The following FNTB variants were observed in gnomAD, a reference collection of about 807,000 sequenced individuals.
FNTB encodes farnesyltransferase, CAAX box, subunit beta.
A neutral mutation model predicts 59.4 loss-of-function variants in FNTB; 27 were observed. The ratio of observed to expected loss-of-function variants is 0.45; its 90% CI spans 0.34 to 0.63. The LOEUF (loss-of-function observed/expected upper bound fraction) is 0.63. FNTB is among the 20% of genes least tolerant of loss of function. The pLI is 0.02. For synonymous variants in FNTB, 230 were observed against 220.7 expected (o/e 1.04, Z -0.37); for missense variants, 449 against 559.6 (o/e 0.80, Z 1.99).
chr14:65,045,136 A>C (rs902925916), intron 9 of FNTB, among the ~76,000 whole-genome samples: 2 of 151,978 alleles, frequency 1.3e-5, no homozygotes, highest in African/African-American at 2.4e-5. Context: ...TTCTCTCTCT[A>C]TCTCTTGAAA....
At position 65,061,524 on chromosome 14, in the gene FNTB, C is replaced by A; in HGVS notation, c.*212C>A. The A allele has an allele frequency of 1.3e-6, 1 of 777,354 alleles. No individual in the cohort carries two copies. Among genetic ancestry groups the A allele is most frequent in the Non-Finnish European group, 1.9e-6 (1 of 521,458 alleles). The allele number at this position is 777,354 out of a possible 1,614,324, so 48.2% of individuals were successfully genotyped here. Reference sequence around the variant, plus strand: ...AAAATTCTTTCCACACCTGTCAAACCAAAAATCTATCAGCCCACGTGGTGT... The same window carrying A: ...AAAATTCTTTCCACACCTGTCAAACAAAAAATCTATCAGCCCACGTGGTGT... On this transcript the variant is annotated 3_prime_UTR_variant, in exon 12 of 12. Coordinates refer to ENST00000246166, the MANE Select transcript of FNTB (RefSeq NM_002028.4).
chr14:65,037,745 TTTATTTA>T lies in FNTB; in HGVS notation c.693-3042_693-3036del, dbSNP rs1566562832. 5.9e-3 allele frequency among the ~76,000 whole-genome samples: 326 copies of T among 55,058 alleles called. 2 individuals are homozygous for T. Among genetic ancestry groups the T allele is most frequent in the African/African-American group, 0.023 (317 of 13,808 alleles). 36.1% of individuals were successfully genotyped at this position (55,058 alleles called of 152,430 possible). A position where few individuals can be genotyped will look rare whatever the true frequency, so the allele number is the denominator to read the frequency against. ...CAGCCTCTTATTTATTTATTTATTA[TTTATTTA>T]TTTATTTATTTATTTATTTATTTAT... On this transcript the variant is annotated intron_variant, in intron 7 of 11. Coordinates refer to ENST00000246166, the MANE Select transcript of FNTB (RefSeq NM_002028.4).
chr14:64,997,232 T>A lies in FNTB; in HGVS notation c.145-7017T>A, dbSNP rs1357777573. ...TTCTCAATTACTCCTGTAGATAACATCCCAATTGCAGAACCTAAGATTGGC... is the reference window on the plus strand; with the variant it reads ...TTCTCAATTACTCCTGTAGATAACAACCCAATTGCAGAACCTAAGATTGGC... On this transcript the variant is annotated intron_variant, in intron 1 of 11. Transcript: ENST00000246166. The surrounding 1 kb of genome is among the most constrained non-coding windows in gnomAD (Gnocchi z 4.5). 1.3e-5 allele frequency among the ~76,000 whole-genome samples: 2 copies of A among 152,164 alleles called. No homozygotes were observed. Among genetic ancestry groups the A allele is most frequent in the African/African-American group, 4.8e-5 (2 of 41,442 alleles).
intron 1 of FNTB, among the ~76,000 whole-genome samples, chr14:64,998,838 C>T (rs1888498156): frequency 6.6e-6 from 1 of 152,108 alleles, no homozygotes; most frequent in Non-Finnish European, 1.5e-5. Flanking sequence ...TCTGGAGAAC[C>T]TGTTTCTTGA....
At chr14:65,034,301 C>T (rs1217777138) in intron 7 of FNTB, among the ~76,000 whole-genome samples, 1 of 152,218 alleles carries the variant, frequency 6.6e-6, no homozygotes, top group Non-Finnish European at 1.5e-5. Context: ...TTCTCTCCTT[C>T]GTTGAAGTCC....
In FNTB at chr14:65,034,370, CA is replaced by C. The variant is rs1206979123; in HGVS notation, c.692+1680del. ...TGAAGTATTGTACTCCAACAGATCC[CA>C]AAAAAGGGTACCTGGGAGATACATT... is the stretch of plus-strand genomic sequence containing the variant. On this transcript the variant is annotated intron_variant, in intron 7 of 11. Coordinates refer to ENST00000246166, the MANE Select transcript of FNTB (RefSeq NM_002028.4). 2.0e-5 allele frequency among the ~76,000 whole-genome samples: 3 copies of C among 152,018 alleles called. No individual in the cohort carries two copies. In the East Asian group the frequency reaches 5.8e-4, roughly 29 times the overall value.
At chr14:65,057,178 T>C (rs932719640) in intron 11 of FNTB, among the ~76,000 whole-genome samples, 4 of 152,196 alleles carry the variant, frequency 2.6e-5, no homozygotes, top group Non-Finnish European at 5.9e-5. Context: ...AACATAGCCA[T>C]CTTGGGGATC....
chr14:65,044,327 G>A lies in FNTB; in HGVS notation c.839G>A (p.Arg280Gln), dbSNP rs768166051. The A allele has an allele frequency of 5.6e-6, 9 of 1,613,476 alleles. No homozygotes were observed. Among genetic ancestry groups the A allele is most frequent in the Non-Finnish European group, 7.6e-6 (9 of 1,179,784 alleles). ...TCTCCTCAGCAATGGGTGACAAGCC[G>A]GCAGATGCGATTTGAAGGAGGATTT... ...LKSLLQWVTS[R>Q]QMRFEGGFQG... is the part of the protein sequence containing the mutation. The change falls in exon 9 of 12, where the codon CGG (arginine) becomes CAG (glutamine). Residue 280 changes from arginine (R) to glutamine (Q), a missense_variant. Physicochemically the swap from Arg to Gln is conservative, Grantham distance 43. Transcript: ENST00000246166. This position sits in a 1 kb window ranked among gnomAD's most constrained non-coding sequence, Gnocchi z 5.5.
intron 1 of FNTB, among the ~76,000 whole-genome samples, chr14:64,992,416 T>A (rs1172552136): frequency 6.6e-6 from 1 of 152,196 alleles, no homozygotes; most frequent in Non-Finnish European, 1.5e-5. Flanking sequence ...TTCCTCCTCT[T>A]CTTATTTATA....
At chr14:65,021,295 A>C (rs1446525003) in intron 4 of FNTB, among the ~76,000 whole-genome samples, 1 of 152,198 alleles carries the variant, frequency 6.6e-6, no homozygotes, top group Non-Finnish European at 1.5e-5. Flanking sequence ...TTAACTTAAA[A>C]ACCATTTTAG....
At chr14:65,018,322 C>T (rs1039587788) in intron 4 of FNTB, among the ~76,000 whole-genome samples, 1 of 151,942 alleles carries the variant, frequency 6.6e-6, no homozygotes, top group African/African-American at 2.4e-5. Flanking sequence ...AGAGCAAGAC[C>T]CTGTCTCAAT....
intron 4 of FNTB, among the ~76,000 whole-genome samples, chr14:65,021,014 G>A (rs1462511503): frequency 6.6e-6 from 1 of 152,220 alleles, no homozygotes; most frequent in Non-Finnish European, 1.5e-5. Flanking sequence ...ACAGATGTGA[G>A]CCACCGCACC....
intron 1 of FNTB, among the ~76,000 whole-genome samples, chr14:64,993,196 A>G (rs902581409): frequency 5.3e-5 from 8 of 152,192 alleles, no homozygotes; most frequent in African/African-American, 1.9e-4. Context: ...TTGGAAGGCC[A>G]AGTGGGTGGA....
chr14:65,053,328 G>C lies in FNTB; in HGVS notation c.1046G>C (p.Gly349Ala), dbSNP rs570214325. Residue 349 changes from glycine (G) to alanine (A), a missense_variant, in exon 10 of 12, where the codon GGG (glycine) becomes GCG (alanine). Gly to Ala is a moderately conservative substitution (Grantham distance 60). Coordinates refer to ENST00000246166, the MANE Select transcript of FNTB (RefSeq NM_002028.4). ...ATGTGCTGCCAGTGCCCTGCGGGGG[G>C]GCTTCTGGATAAACCTGGCAAGTGA... is the stretch of plus-strand genomic sequence containing the variant. ...ILMCCQCPAGGLLDKPGKSRD... is the reference protein window; with the variant it reads ...ILMCCQCPAGALLDKPGKSRD... The C allele has an allele frequency of 2.1e-6, 3 of 1,451,092 alleles. No individual in the cohort carries two copies. Among genetic ancestry groups the C allele is most frequent in the Admixed American group, 2.5e-5 (1 of 39,410 alleles). 89.9% of individuals were successfully genotyped at this position (1,451,092 alleles called of 1,614,324 possible).
intron 1 of FNTB, among the ~76,000 whole-genome samples, chr14:64,999,727 G>GT (rs1253874695): frequency 3.3e-5 from 5 of 152,156 alleles, no homozygotes; most frequent in Non-Finnish European, 7.4e-5. Context: ...GAATATACTA[G>GT]TTCTTAAAAG....
intron 4 of FNTB, among the ~76,000 whole-genome samples, chr14:65,026,861 C>CAAA (rs577920846): frequency 7.4e-6 from 1 of 135,586 alleles, no homozygotes; most frequent in African/African-American, 2.7e-5. Flanking sequence ...AACCCCGCCT[C>CAAA]AAAAAAAAAA....
chr14:65,008,126 T>C (rs1052258105), intron 2 of FNTB, among the ~76,000 whole-genome samples: 2 of 152,254 alleles, frequency 1.3e-5, no homozygotes, highest in Non-Finnish European at 2.9e-5. Context: ...TAAGTTCACC[T>C]TTCCTCGATT....
rs1318827628 is a variant in FNTB at position 65,040,849 on chromosome 14, A to G, written c.752A>G (p.Tyr251Cys). 1 of 1,613,878 alleles carries G rather than the reference A, an allele frequency of 6.2e-7. No homozygotes were observed. Among genetic ancestry groups the G allele is most frequent in the African/African-American group, 1.3e-5 (1 of 74,912 alleles). The change falls in exon 8 of 12, where the codon TAT becomes TGT. Residue 251 changes from tyrosine to cysteine, a missense_variant. Transcript: ENST00000246166. ...GVPGMEAHGG[Y>C]TFCGLAALVI... Reference sequence around the variant, plus strand: ...CCAGGGATGGAAGCCCATGGTGGCTATACCTTCTGTGGCCTGGCCGCGCTG... The same window carrying G: ...CCAGGGATGGAAGCCCATGGTGGCTGTACCTTCTGTGGCCTGGCCGCGCTG...
rs1237399506 is a variant in FNTB at position 65,023,060 on chromosome 14, C to T, written c.375-4393C>T. On this transcript the variant is annotated intron_variant, in intron 4 of 11. Transcript: ENST00000246166. The surrounding 1 kb of genome is among the most constrained non-coding windows in gnomAD (Gnocchi z 4.1). The stretch of plus-strand genomic sequence containing the variant: ...AACTGATGACGGTGTTTAGAATCAA[C>T]ATTGATTAATTGATTGAGACAGGGT... Among the ~76,000 whole-genome samples, 1 of 152,126 alleles carries T rather than the reference C, an allele frequency of 6.6e-6. No homozygotes were observed. Among genetic ancestry groups the T allele is most frequent in the Non-Finnish European group, 1.5e-5 (1 of 68,032 alleles).
Sources: gnomAD v4.1 joint callset for allele counts (sites outside exome capture counted in the v4.1 genomes callset) on GRCh38, gnomAD v4.1.1 for gene constraint, Gnocchi (gnomAD v3.1) non-coding constraint, MANE v1.5 for transcripts, NCBI Gene and HGNC (gene_info 2026-07-23, HGNC 2026-07-21) for gene names.